The following FSTL5 variants were observed in gnomAD, a reference collection of about 807,000 sequenced individuals.
The protein encoded by FSTL5 is follistatin-related protein 5.
Under a neutral mutation model 89.1 loss-of-function variants are expected in FSTL5, and 62 were observed. That is an observed-to-expected ratio of 0.70 (90% CI 0.57 to 0.86). The LOEUF (loss-of-function observed/expected upper bound fraction) is 0.86. FSTL5 is among the 40% of genes least tolerant of loss of function. FSTL5 has a pLI of 0.00. For synonymous variants in FSTL5, 383 were observed against 346.2 expected (o/e 1.11, Z -1.18); for missense variants, 1,057 against 1,001.6 (o/e 1.06, Z -0.75).
intron 7 of FSTL5, among the ~76,000 whole-genome samples, chr4:161,607,287 C>T (rs937110288): frequency 2.6e-5 from 4 of 152,164 alleles, no homozygotes; most frequent in Middle Eastern, 3.4e-3. Flanking sequence ...GAATATATTG[C>T]TAAATTTTAT....
chr4:161,434,884 T>C (rs1000737777), intron 15 of FSTL5, among the ~76,000 whole-genome samples: 2 of 152,044 alleles, frequency 1.3e-5, no homozygotes, highest in Non-Finnish European at 2.9e-5. Flanking sequence ...ATAATCTCAC[T>C]CCAGTTAAAA....
At chr4:161,397,598 G>T (rs566956777) in intron 15 of FSTL5, among the ~76,000 whole-genome samples, 38 of 151,100 alleles carry the variant, frequency 2.5e-4, no homozygotes, top group African/African-American at 7.7e-4. Context: ...AGTATTTGAC[G>T]ATTGGTATTA....
intron 10 of FSTL5, among the ~76,000 whole-genome samples, chr4:161,536,640 T>C (rs184173190): frequency 2.3e-4 from 35 of 152,268 alleles, no homozygotes; most frequent in African/African-American, 8.2e-4. Flanking sequence ...TCAACAAGAT[T>C]AAACCTTGTC....
At chr4:162,016,721 T>C (rs1247527796) in intron 3 of FSTL5, among the ~76,000 whole-genome samples, 1 of 152,212 alleles carries the variant, frequency 6.6e-6, no homozygotes, top group Non-Finnish European at 1.5e-5. Context: ...TTTTTGAGCA[T>C]CTTTATAATG....
In FSTL5 at chr4:161,528,902, G is replaced by A. The variant is rs1202902413; in HGVS notation, c.1312+9264C>T. On this transcript the variant is annotated intron_variant, in intron 10 of 15. Transcript: ENST00000306100. Reference sequence around the variant, plus strand: ...CAATAGAGACTGTATACTCAGCACTGTCACTATATGTTAAGTGTATTCAGT... The same window carrying A: ...CAATAGAGACTGTATACTCAGCACTATCACTATATGTTAAGTGTATTCAGT... Among the ~76,000 whole-genome samples, 3 of 142,736 alleles carry A rather than the reference G, an allele frequency of 2.1e-5. 1 individual carries two copies. The highest frequency in any genetic ancestry group is 4.6e-5 in the Non-Finnish European group (3 of 65,118). 93.6% of individuals were successfully genotyped at this position (142,736 alleles called of 152,430 possible).
chr4:161,877,487 T>A (rs1732484780), intron 4 of FSTL5, among the ~76,000 whole-genome samples: 1 of 151,500 alleles, frequency 6.6e-6, no homozygotes, highest in Admixed American at 6.6e-5. Context: ...ACATTTAAAT[T>A]TTGCATAGTT....
chr4:161,965,561 T>A (rs941097150), intron 3 of FSTL5, among the ~76,000 whole-genome samples: 2 of 152,128 alleles, frequency 1.3e-5, no homozygotes, highest in African/African-American at 2.4e-5. Context: ...ACACATGGGT[T>A]TTCATGTCTA....
chr4:161,695,633 G>T (rs910674209), intron 6 of FSTL5, among the ~76,000 whole-genome samples: 2 of 151,816 alleles, frequency 1.3e-5, no homozygotes, highest in African/African-American at 2.4e-5. Flanking sequence ...TTTGTTTTTT[G>T]ATTTTTTATT....
chr4:161,585,866 T>C (rs1733597047), intron 8 of FSTL5, among the ~76,000 whole-genome samples: 1 of 152,214 alleles, frequency 6.6e-6, no homozygotes. Context: ...AAAGTCCATC[T>C]CCAAACAGCT....
chr4:161,988,273 A>G (rs1736021436), intron 3 of FSTL5, among the ~76,000 whole-genome samples: 1 of 152,114 alleles, frequency 6.6e-6, no homozygotes. Flanking sequence ...TGGGAAAATC[A>G]CAGATAGGCA....
At chr4:161,654,342 G>A (rs918879944) in intron 7 of FSTL5, among the ~76,000 whole-genome samples, 2 of 152,030 alleles carry the variant, frequency 1.3e-5, no homozygotes, top group Admixed American at 6.6e-5. Context: ...AACAGTAGTG[G>A]AAAGCTTAAG....
At chr4:161,461,459 TCAAAAA>T in intron 13 of FSTL5, among the ~76,000 whole-genome samples, 1 of 20,526 alleles carries the variant, frequency 4.9e-5, no homozygotes, top group Non-Finnish European at 7.9e-5. Context: ...AGACTCCGTC[TCAAAAA>T]AAAAAAAAAA....
intron 11 of FSTL5, among the ~76,000 whole-genome samples, chr4:161,504,194 A>C (rs1220145856): frequency 6.6e-6 from 1 of 151,974 alleles, no homozygotes; most frequent in Non-Finnish European, 1.5e-5. Flanking sequence ...CAAGTTAATG[A>C]ATGCATATTT....
intron 4 of FSTL5, among the ~76,000 whole-genome samples, chr4:161,842,486 T>C (rs1273514839): frequency 6.6e-6 from 1 of 152,156 alleles, no homozygotes; most frequent in Non-Finnish European, 1.5e-5. Flanking sequence ...TACTTAATAA[T>C]TACCATACAT....
intron 4 of FSTL5, among the ~76,000 whole-genome samples, chr4:161,863,936 T>C (rs1488970513): frequency 1.3e-5 from 2 of 152,158 alleles, no homozygotes; most frequent in African/African-American, 2.4e-5. Context: ...GTGAAAAAAA[T>C]GGTGCTTGTT....
chr4:161,993,373 C>T (rs980687588), intron 3 of FSTL5, among the ~76,000 whole-genome samples: 2 of 151,768 alleles, frequency 1.3e-5, no homozygotes, highest in African/African-American at 2.4e-5. Context: ...ATAATAAGGG[C>T]ATATAATCAT....
At chr4:162,061,396 A>C (rs1738713674) in intron 2 of FSTL5, among the ~76,000 whole-genome samples, 1 of 152,166 alleles carries the variant, frequency 6.6e-6, no homozygotes. Flanking sequence ...GCAATGACTC[A>C]TTCTCTCCAT....
chr4:162,084,932 A>G (rs1730251502), intron 2 of FSTL5, among the ~76,000 whole-genome samples: 1 of 152,112 alleles, frequency 6.6e-6, no homozygotes, highest in East Asian at 1.9e-4. Flanking sequence ...TAGAATGCAT[A>G]TTTAAACTTT....
rs1418672586 is a variant in FSTL5, at chr4:161,538,111, TA to T, written c.1312+54del. On this transcript the variant is annotated intron_variant, in intron 10 of 15. Coordinates refer to ENST00000306100, the MANE Select transcript of FSTL5 (RefSeq NM_020116.5). ...TGCCTTTACTTTTTAAAAAAAGCTG[TA>T]AAAAAGTACGTTGAATATGGTGTGT... 16 of 1,568,624 alleles carry T rather than the reference TA, an allele frequency of 1.0e-5. No homozygotes were observed. In the African/African-American group the frequency reaches 1.8e-4, roughly 17 times the overall value.
Sources: allele counts gnomAD v4.1 joint callset (sites outside exome capture counted in the v4.1 genomes callset), GRCh38; gene constraint gnomAD v4.1.1; transcripts MANE v1.5; gene names NCBI Gene and HGNC (gene_info 2026-07-23, HGNC 2026-07-21).